Variants in MAPK4 observed in about 807,000 individuals in gnomAD.
MAPK4 encodes the protein mitogen-activated protein kinase 4.
MAPK4 carries 22 observed loss-of-function variants against 47.7 expected under a neutral mutation model. The ratio of observed to expected loss-of-function variants is 0.46; its 90% confidence interval spans 0.33 to 0.66. MAPK4 has a LOEUF of 0.66. Among genes scored for constraint, MAPK4 ranks in the 30% least tolerant of loss-of-function variants. MAPK4 has a pLI of 0.02. For missense variants in MAPK4, 736 were observed against 831.7 expected (o/e 0.88, Z 1.42); for synonymous variants, 390 against 365.7 (o/e 1.07, Z -0.76).
Position 50,571,204 on chromosome 18 carries a change from C to T in MAPK4, c.-871+10961C>T, listed in dbSNP as rs142890147. Among the ~76,000 whole-genome samples the T allele has an allele frequency of 5.3e-4, 81 of 152,178 alleles. 2 individuals carry two copies. In the East Asian group the frequency reaches 0.012, roughly 23 times the overall value. ...ATGTATTCCACAATAATTTACCCTG[C>T]GGATTTTTAATTTCACAGTACTTCA... On this transcript the variant is annotated intron_variant, in intron 1 of 5. Coordinates refer to ENST00000400384, the MANE Select transcript of MAPK4 (RefSeq NM_002747.4).
intron 2 of MAPK4, among the ~76,000 whole-genome samples, chr18:50,688,130 G>T (rs1479778715): frequency 6.6e-6 from 1 of 152,154 alleles, no homozygotes; most frequent in African/African-American, 2.4e-5. Flanking sequence ...CCGTTGAGAG[G>T]CTACAGTCTG....
At chr18:50,710,345 T>C (rs747362502) in intron 2 of MAPK4, among the ~76,000 whole-genome samples, 3 of 151,762 alleles carry the variant, frequency 2.0e-5, no homozygotes, top group Non-Finnish European at 4.4e-5. Context: ...TAGCCAAGCG[T>C]GGTGGCGTGT....
intron 1 of MAPK4, among the ~76,000 whole-genome samples, chr18:50,656,945 A>G (rs1018875610): frequency 2.6e-5 from 4 of 152,238 alleles, no homozygotes; most frequent in African/African-American, 9.6e-5. Flanking sequence ...AAACAGCAGT[A>G]GGGCTTAACA....
At chr18:50,694,645 C>T (rs1440571813) in intron 2 of MAPK4, among the ~76,000 whole-genome samples, 1 of 152,210 alleles carries the variant, frequency 6.6e-6, no homozygotes, top group African/African-American at 2.4e-5. Context: ...GGGCCCATGA[C>T]TGGCCCTCAG....
chr18:50,711,649 GACCAGGTCTGATC>G (rs1023357146), intron 2 of MAPK4, among the ~76,000 whole-genome samples: 2 of 152,216 alleles, frequency 1.3e-5, no homozygotes, highest in African/African-American at 4.8e-5. Flanking sequence ...TGCCTGGGGA[GACCAGGTCTGATC>G]ACAGAGACAT....
At chr18:50,660,364 CTTG>C (rs750962114) in intron 1 of MAPK4, among the ~76,000 whole-genome samples, 2 of 152,128 alleles carry the variant, frequency 1.3e-5, no homozygotes, top group Non-Finnish European at 2.9e-5. Flanking sequence ...ATGGTTAGGG[CTTG>C]TTGTGAGATG....
intron 1 of MAPK4, among the ~76,000 whole-genome samples, chr18:50,577,743 T>A (rs1160253604): frequency 6.6e-6 from 1 of 152,146 alleles, no homozygotes; most frequent in Non-Finnish European, 1.5e-5. Flanking sequence ...ATGCTGTGAT[T>A]TGGATGAAGG....
intron 1 of MAPK4, among the ~76,000 whole-genome samples, chr18:50,617,886 A>G (rs1395971648): frequency 1.3e-5 from 2 of 152,210 alleles, no homozygotes; most frequent in Non-Finnish European, 2.9e-5. Context: ...GAGTTTATCT[A>G]AAGCCAGAAT....
At chr18:50,580,472 C>T (rs138711348) in intron 1 of MAPK4, among the ~76,000 whole-genome samples, 28 of 152,310 alleles carry the variant, frequency 1.8e-4, no homozygotes, top group Non-Finnish European at 2.9e-4. Flanking sequence ...CCAAAGGCTG[C>T]CCCACACCTT....
chr18:50,586,900 C>T (rs1284779926), intron 1 of MAPK4, among the ~76,000 whole-genome samples: 1 of 150,894 alleles, frequency 6.6e-6, no homozygotes, highest in African/African-American at 2.5e-5. Flanking sequence ...GATTTATATA[C>T]CATTGCCATC....
chr18:50,606,745 A>G (rs1188876604), intron 1 of MAPK4, among the ~76,000 whole-genome samples: 1 of 152,218 alleles, frequency 6.6e-6, no homozygotes, highest in Non-Finnish European at 1.5e-5. Context: ...GGAAGCAGTC[A>G]CAGATACTGT....
chr18:50,729,811 G>A lies in MAPK4; in HGVS notation c.1721G>A (p.Gly574Asp), dbSNP rs755359327. The A allele has an allele frequency of 1.2e-6, 2 of 1,612,324 alleles. No individual in the cohort carries two copies. Among genetic ancestry groups the A allele is most frequent in the South Asian group, 2.2e-5 (2 of 90,846 alleles). ...GGTGCGTGCATCCCCGAGCACCCTG[G>A]CGACCTCGTGCAGACCGAGGCCTTC... ...LNGACIPEHP[G>D]DLVQTEAFSK... The change falls in exon 6 of 6, where the codon GGC becomes GAC. Residue 574 changes from glycine to aspartate, a missense_variant. Around this residue, in one of 3 missense-constraint regions of MAPK4, gnomAD observed 377 missense variants for 378.6 expected, o/e 1.00. Coordinates refer to ENST00000400384, the MANE Select transcript of MAPK4 (RefSeq NM_002747.4).
chr18:50,696,207 A>C (rs1909506562), intron 2 of MAPK4, among the ~76,000 whole-genome samples: 1 of 152,184 alleles, frequency 6.6e-6, no homozygotes, highest in Non-Finnish European at 1.5e-5. Context: ...ACATCCTAGA[A>C]GGATTCATAA....
At chr18:50,719,667 T>G (rs1197591041) in intron 3 of MAPK4, among the ~76,000 whole-genome samples, 1 of 152,192 alleles carries the variant, frequency 6.6e-6, no homozygotes, top group African/African-American at 2.4e-5. Flanking sequence ...AGGGCTGTGC[T>G]CCAGCTGCCC....
chr18:50,712,209 G>A (rs893424385), intron 2 of MAPK4, among the ~76,000 whole-genome samples: 4 of 152,132 alleles, frequency 2.6e-5, no homozygotes, highest in Admixed American at 6.5e-5. Flanking sequence ...GGCAGACTGC[G>A]TGAGCTCAGG....
intron 2 of MAPK4, among the ~76,000 whole-genome samples, chr18:50,711,427 A>G (rs1278029120): frequency 6.6e-6 from 1 of 152,230 alleles, no homozygotes; most frequent in African/African-American, 2.4e-5. Flanking sequence ...GGCCACTCCC[A>G]TCTTGTTTCT....
At chr18:50,712,403 G>A (rs767162762) in intron 2 of MAPK4, among the ~76,000 whole-genome samples, 1 of 152,092 alleles carries the variant, frequency 6.6e-6, no homozygotes, top group Non-Finnish European at 1.5e-5. Context: ...TGTCAGCCTG[G>A]GCGACAGAAT....
At chr18:50,561,775 G>C (rs2042155632) in intron 1 of MAPK4, among the ~76,000 whole-genome samples, 1 of 152,212 alleles carries the variant, frequency 6.6e-6, no homozygotes, top group East Asian at 1.9e-4. Context: ...GGGTTTGTCA[G>C]ACAGGAGCAG....
At position 50,664,212 on chromosome 18, in the gene MAPK4, G is replaced by T; in HGVS notation, c.254G>T (p.Gly85Val). 6.2e-7 allele frequency: 1 copy of T among 1,614,102 alleles called. No individual in the cohort carries two copies. The highest frequency in any genetic ancestry group is 1.1e-5 in the South Asian group (1 of 91,076). The change falls in exon 2 of 6, where the codon GGT becomes GTT. Residue 85 changes from glycine to valine, a missense_variant. Gly to Val is a moderately radical substitution (Grantham distance 109, BLOSUM62 -3). Around this residue, in one of 3 missense-constraint regions of MAPK4, gnomAD observed 327 missense variants for 395.4 expected, o/e 0.83. Coordinates refer to ENST00000400384, the MANE Select transcript of MAPK4 (RefSeq NM_002747.4). This position sits in a 1 kb window ranked among gnomAD's most constrained non-coding sequence, Gnocchi z 6.0. ...DNIVKVYEVL[G>V]PKGTDLQGEL... ...ATCGTCAAAGTGTACGAGGTGCTCG[G>T]TCCCAAGGGCACTGACCTGCAGGGT...
Sources: gnomAD v4.1 joint callset for allele counts (sites outside exome capture counted in the v4.1 genomes callset) on GRCh38, gnomAD v4.1.1 for gene constraint, gnomAD v4.1.1 regional missense constraint, Gnocchi (gnomAD v3.1) non-coding constraint, MANE v1.5 for transcripts, NCBI Gene and HGNC (gene_info 2026-07-23, HGNC 2026-07-21) for gene names.